PDGFC: variants seen among roughly 807,000 people sequenced by gnomAD.
PDGFC encodes platelet derived growth factor C.
PDGFC carries 12 observed loss-of-function variants against 35.5 expected under a neutral mutation model. That is an observed-to-expected ratio of 0.34 (90% CI 0.22 to 0.55). PDGFC has a LOEUF of 0.55. Ranked by LOEUF, PDGFC falls within the 20% of genes least tolerant of loss-of-function variation. PDGFC has a pLI of 0.91. For synonymous variants in PDGFC, 159 were observed against 148.8 expected (o/e 1.07, Z -0.50); for missense variants, 322 against 412.4 (o/e 0.78, Z 1.90).
At chr4:156,937,348 T>C (rs2110896154) in intron 1 of PDGFC, among the ~76,000 whole-genome samples, 1 of 152,314 alleles carries the variant, frequency 6.6e-6, no homozygotes, top group Middle Eastern at 3.4e-3. Context: ...GTATTTCTTC[T>C]GGAGACCACC....
intron 3 of PDGFC, among the ~76,000 whole-genome samples, chr4:156,781,527 AG>A (rs1422109383): frequency 2.0e-5 from 3 of 152,154 alleles, no homozygotes; most frequent in African/African-American, 7.2e-5. Context: ...ACTCAATGGA[AG>A]GGCTTTGTAC....
chr4:156,945,663 G>C (rs1454705609), intron 1 of PDGFC, among the ~76,000 whole-genome samples: 1 of 151,904 alleles, frequency 6.6e-6, no homozygotes, highest in African/African-American at 2.4e-5. Flanking sequence ...GAAATTGCAG[G>C]AGCGATTGGC....
At chr4:156,797,792 G>A (rs1173406194) in intron 3 of PDGFC, among the ~76,000 whole-genome samples, 2 of 152,254 alleles carry the variant, frequency 1.3e-5, no homozygotes, top group African/African-American at 4.8e-5. Context: ...TGCTGTGATT[G>A]GCTGAGACTG....
At chr4:156,895,712 A>T (rs1305563509) in intron 1 of PDGFC, among the ~76,000 whole-genome samples, 1 of 152,164 alleles carries the variant, frequency 6.6e-6, no homozygotes, top group Non-Finnish European at 1.5e-5. Context: ...AGATGAAAAA[A>T]TCTATGTATA....
At chr4:156,890,848 G>A (rs1469589611) in intron 1 of PDGFC, among the ~76,000 whole-genome samples, 1 of 152,114 alleles carries the variant, frequency 6.6e-6, no homozygotes, top group East Asian at 1.9e-4. Context: ...CATTCCCTAA[G>A]AGTATTATTT....
At chr4:156,855,418 T>C (rs762927055) in intron 1 of PDGFC, among the ~76,000 whole-genome samples, 2 of 152,162 alleles carry the variant, frequency 1.3e-5, no homozygotes, top group Non-Finnish European at 2.9e-5. Context: ...TAGATTAAAA[T>C]TAGGTAGAAA....
intron 1 of PDGFC, among the ~76,000 whole-genome samples, chr4:156,951,407 T>C (rs1732078075): frequency 6.6e-6 from 1 of 151,828 alleles, no homozygotes; most frequent in South Asian, 2.1e-4. Flanking sequence ...TTTTTAATTT[T>C]TGAAACCATT....
intron 1 of PDGFC, among the ~76,000 whole-genome samples, chr4:156,884,030 A>C (rs1188770315): frequency 1.3e-5 from 2 of 152,192 alleles, no homozygotes; most frequent in Non-Finnish European, 2.9e-5. Context: ...CTTGATTTTT[A>C]GTACAAGAAC....
intron 3 of PDGFC, among the ~76,000 whole-genome samples, chr4:156,781,168 G>A (rs557575637): frequency 7.9e-5 from 12 of 152,102 alleles, no homozygotes; most frequent in South Asian, 2.1e-4. Context: ...ATTTGCAGTC[G>A]TACTTTGCTC....
chr4:156,835,526 C>T (rs1461618830), intron 2 of PDGFC, among the ~76,000 whole-genome samples: 1 of 152,040 alleles, frequency 6.6e-6, no homozygotes, highest in Non-Finnish European at 1.5e-5. Context: ...ATCCTGGGAA[C>T]CAGATCTTCT....
chr4:156,842,397 A>G (rs1248551925), intron 2 of PDGFC, among the ~76,000 whole-genome samples: 2 of 151,900 alleles, frequency 1.3e-5, no homozygotes, highest in Admixed American at 6.6e-5. Context: ...GCCAAGCTCT[A>G]AGTCTGAGAA....
chr4:156,801,386 C>T (rs1443382396), intron 3 of PDGFC, among the ~76,000 whole-genome samples: 2 of 152,126 alleles, frequency 1.3e-5, no homozygotes, highest in African/African-American at 4.8e-5. Context: ...ATTGCAATTC[C>T]CCTGTCTTGA....
Position 156,772,782 on chromosome 4 carries a change from G to T in PDGFC, c.607C>A (p.Leu203Ile), listed in dbSNP as rs1253166666. 6.2e-7 allele frequency: 1 copy of T among 1,612,920 alleles called. No individual in the cohort carries two copies. The highest frequency in any genetic ancestry group is 1.3e-5 in the African/African-American group (1 of 74,884). ...FSTLEDLIRY[L>I]EPERWQLDLE... ...TCCAACTGCCATCTCTCTGGTTCAA[G>T]ATATCGAATAAGGTCTTCCAAGGTA... The change falls in exon 4 of 6, where the codon CTT becomes ATT. Residue 203 changes from leucine (L) to isoleucine (I), a missense_variant. Around this residue, in one of 2 missense-constraint regions of PDGFC, gnomAD observed 202 missense variants for 295.9 expected, o/e 0.68. Coordinates refer to ENST00000502773, the MANE Select transcript of PDGFC (RefSeq NM_016205.3).
At chr4:156,766,894 A>C (rs1488451225) in intron 5 of PDGFC, among the ~76,000 whole-genome samples, 1 of 152,164 alleles carries the variant, frequency 6.6e-6, no homozygotes, top group Non-Finnish European at 1.5e-5. Context: ...GATTTCACTG[A>C]AATCTTGATG....
At chr4:156,946,144 A>G (rs1210571622) in intron 1 of PDGFC, among the ~76,000 whole-genome samples, 1 of 152,052 alleles carries the variant, frequency 6.6e-6, no homozygotes, top group African/African-American at 2.4e-5. Context: ...TGTGAATCCT[A>G]CAGAAAGTAC....
rs1730584745 is a variant in PDGFC at position 156,767,922 on chromosome 4, A to G, written c.772T>C (p.Ser258Pro). ...YSCTPRNFSV[S>P]IREELKRTDT... ...GTTCTCTTTAGTTCTTCCCTTATGG[A>G]CACTGAGAAGTTACGAGGTGTGCAG... The change falls in exon 5 of 6, where the codon TCC becomes CCC. Residue 258 changes from serine (S) to proline (P), a missense_variant. Physicochemically the swap from Ser to Pro is moderately conservative, Grantham distance 74. Transcript: ENST00000502773. 1 of 1,612,992 alleles carries G rather than the reference A, an allele frequency of 6.2e-7. No individual in the cohort carries two copies. Among genetic ancestry groups the G allele is most frequent in the South Asian group, 1.1e-5 (1 of 91,064 alleles).
intron 1 of PDGFC, among the ~76,000 whole-genome samples, chr4:156,939,291 G>A (rs535990899): frequency 6.6e-6 from 1 of 151,988 alleles, no homozygotes; most frequent in South Asian, 2.1e-4. Flanking sequence ...ACAATAATAT[G>A]TGCATAAACT....
rs180884198 is a variant in PDGFC, at chr4:156,930,130, T to C, written c.118+40656A>G. On this transcript the variant is annotated intron_variant, in intron 1 of 5. Coordinates refer to ENST00000502773, the MANE Select transcript of PDGFC (RefSeq NM_016205.3). The stretch of plus-strand genomic sequence containing the variant: ...CCCTTATATGCCATTGTGTGAATAC[T>C]GGGTAACTCGCCTACATTGTAAGCA... Among the ~76,000 whole-genome samples, 50 of 152,376 alleles carry C rather than the reference T, an allele frequency of 3.3e-4. 1 individual carries two copies. Among genetic ancestry groups the C allele is most frequent in the Middle Eastern group, 6.8e-3 (2 of 294 alleles).
intron 3 of PDGFC, among the ~76,000 whole-genome samples, chr4:156,793,597 A>C (rs1731358419): frequency 6.7e-6 from 1 of 149,168 alleles, no homozygotes; most frequent in African/African-American, 2.4e-5. Flanking sequence ...GTGTGTATAC[A>C]TGATCACACT....
Sources: allele counts gnomAD v4.1 joint callset (sites outside exome capture counted in the v4.1 genomes callset), GRCh38; gene constraint gnomAD v4.1.1; regional missense constraint gnomAD v4.1.1; transcripts MANE v1.5; gene names NCBI Gene and HGNC (gene_info 2026-07-23, HGNC 2026-07-21).